The following LRRD1 variants were observed in gnomAD, a reference collection of about 807,000 sequenced individuals.
LRRD1 encodes leucine rich repeats and death domain containing 1.
Under a neutral mutation model 69.5 loss-of-function variants are expected in LRRD1, and 49 were observed. The observed-to-expected ratio is 0.70, with a 90% confidence interval of 0.56 to 0.89. The LOEUF is 0.89. Ranked by LOEUF, LRRD1 falls within the 40% of genes least tolerant of loss-of-function variation. The probability of loss-of-function intolerance (pLI) is 0.00; values close to 1 mark genes in which losing one functional copy is unlikely to be tolerated. For synonymous variants in LRRD1, 303 were observed against 338.9 expected, an observed-to-expected ratio of 0.89 and a Z score of 1.16; for missense variants, 853 against 956.0, an observed-to-expected ratio of 0.89 and a Z score of 1.42.
At chr7:92,176,191 T>C (rs540526316) in intron 1 of LRRD1, among the ~76,000 whole-genome samples, 1 of 152,228 alleles carries the variant, frequency 6.6e-6, no homozygotes, top group Non-Finnish European at 1.5e-5. Context: ...AGAAGTGATA[T>C]ACCCATGGTA....
chr7:92,144,251 AACTCC>A (rs1363784805), downstream of LRRD1, among the ~76,000 whole-genome samples: 1 of 152,236 alleles, frequency 6.6e-6, no homozygotes, highest in Non-Finnish European at 1.5e-5. Flanking sequence ...TCTGCTTTCT[AACTCC>A]AGTGAAAATC....
At chr7:92,171,590 A>G (rs538531119) in intron 1 of LRRD1, among the ~76,000 whole-genome samples, 13 of 152,160 alleles carry the variant, frequency 8.5e-5, no homozygotes, top group Non-Finnish European at 2.9e-5. Flanking sequence ...AATTCTACCA[A>G]ACATTTAAAA....
intron 5 of LRRD1, among the ~76,000 whole-genome samples, chr7:92,145,289 G>A (rs1195937009): frequency 6.6e-6 from 1 of 151,944 alleles, no homozygotes; most frequent in Non-Finnish European, 1.5e-5. Flanking sequence ...ATGGAGCTTG[G>A]GACATAGAAA....
chr7:92,160,457 G>T (rs909770231), intron 2 of LRRD1, among the ~76,000 whole-genome samples: 1 of 151,972 alleles, frequency 6.6e-6, no homozygotes. Flanking sequence ...GTTTAGAAAA[G>T]GTACATTACT....
At chr7:92,175,876 C>A (rs1263181313) in intron 1 of LRRD1, among the ~76,000 whole-genome samples, 1 of 152,154 alleles carries the variant, frequency 6.6e-6, no homozygotes, top group Non-Finnish European at 1.5e-5. Flanking sequence ...GTAAATTATT[C>A]ATTGATTTCT....
intron 1 of LRRD1, among the ~76,000 whole-genome samples, chr7:92,166,777 A>G (rs1386515651): frequency 2.0e-5 from 3 of 152,230 alleles, no homozygotes; most frequent in Non-Finnish European, 2.9e-5. Context: ...AATTTCTTTA[A>G]TCTGCTAAAG....
chr7:92,163,874 T>C lies in LRRD1; in HGVS notation c.1329A>G (p.Ile443Met), dbSNP rs991942450. The C allele has an allele frequency of 6.6e-7, 1 of 1,519,820 alleles. No homozygotes were observed. The highest frequency in any genetic ancestry group is 8.8e-7 in the Non-Finnish European group (1 of 1,137,190). The allele number at this position is 1,519,820 out of a possible 1,614,324, so 94.1% of individuals were successfully genotyped here. Residue 443 changes from isoleucine (I) to methionine (M), a missense_variant, in exon 2 of 6, where the codon ATA (isoleucine) becomes ATG (methionine). Ile to Met is a conservative substitution (Grantham distance 10). Transcript: ENST00000458448. The part of the protein sequence containing the change: ...ITDCISHLNN[I>M]CSLEFSGNII... ...TGTTTCCTGAAAATTCTAGACTGCA[T>C]ATGTTATTAAGATGTGAGATACAGT... is the stretch of plus-strand genomic sequence containing the variant.
intron 3 of LRRD1, among the ~76,000 whole-genome samples, chr7:92,156,901 G>A (rs1788669439): frequency 6.6e-6 from 1 of 152,040 alleles, no homozygotes; most frequent in South Asian, 2.1e-4. Context: ...TTAGCTATAG[G>A]AGTTTTGCAG....
At chr7:92,158,544 A>G (rs1315522520) in intron 3 of LRRD1, among the ~76,000 whole-genome samples, 1 of 152,086 alleles carries the variant, frequency 6.6e-6, no homozygotes, top group African/African-American at 2.4e-5. Flanking sequence ...TTATTTTCTT[A>G]TCTACAATGT....
intron 4 of LRRD1, among the ~76,000 whole-genome samples, chr7:92,148,472 A>G (rs1453062352): frequency 2.6e-5 from 3 of 117,236 alleles, no homozygotes; most frequent in African/African-American, 1.2e-4. Context: ...ATTTCATGCT[A>G]TGATATATAT....
intron 4 of LRRD1, among the ~76,000 whole-genome samples, chr7:92,148,975 G>A (rs1018392160): frequency 3.3e-5 from 5 of 152,096 alleles, no homozygotes; most frequent in Admixed American, 1.3e-4. Flanking sequence ...TCTTGAACTC[G>A]TGACCTCGTG....
At chr7:92,167,393 A>C (rs908372458) in intron 1 of LRRD1, among the ~76,000 whole-genome samples, 3 of 151,098 alleles carry the variant, frequency 2.0e-5, no homozygotes, top group Non-Finnish European at 4.4e-5. Context: ...TAAACTTTTT[A>C]GTTTTGGTAA....
intron 3 of LRRD1, among the ~76,000 whole-genome samples, chr7:92,156,009 C>A (rs1458578384): frequency 3.3e-5 from 5 of 152,214 alleles, no homozygotes; most frequent in Non-Finnish European, 7.3e-5. Context: ...CTGCCTCTCC[C>A]AGTCCACTGA....
Position 92,150,828 on chromosome 7 carries a change from G to C in LRRD1, c.2117-133C>G, listed in dbSNP as rs996596797. 10 of 635,362 alleles carry C rather than the reference G, an allele frequency of 1.6e-5. No homozygotes were observed. The East Asian group carries it at 2.8e-4, about 18-fold the overall frequency. The allele number at this position is 635,362 out of a possible 1,614,324, so 39.4% of individuals were successfully genotyped here. On this transcript the variant is annotated intron_variant, in intron 3 of 5. Transcript: ENST00000458448. ...ATGCAGCAGGTCATAAATTATTTCT[G>C]ATGTCCACATGCTAAGAGCAAAAAA...
rs908070626 is a variant in LRRD1 at position 92,145,009 on chromosome 7, A to G, written c.2462T>C (p.Leu821Ser). The change falls in exon 6 of 6, where the codon TTA (leucine) becomes TCA (serine). Residue 821 changes from leucine to serine, a missense_variant. Coordinates refer to ENST00000458448, the MANE Select transcript of LRRD1 (RefSeq NM_001161528.2). ...LVIWKTQSNK[L>S]SLTAAALRDQ... ...TCTTAAAGCAGCAGCAGTTAGTGAT[A>G]ACTTGTTACTTTGTGTTTTCCATAT... 2.2e-5 allele frequency: 34 copies of G among 1,537,298 alleles called. No homozygotes were observed. The highest frequency in any genetic ancestry group is 2.9e-5 in the Non-Finnish European group (33 of 1,138,240).
At chr7:92,142,602 C>G (rs531439624), downstream of LRRD1, 86 of 446,598 alleles carry the variant, frequency 1.9e-4, no homozygotes, top group African/African-American at 9.8e-4. Context: ...CCGACCCTCA[C>G]GGTCAGTGTT....
At chr7:92,151,090 A>G (rs1003849958) in intron 3 of LRRD1, among the ~76,000 whole-genome samples, 8 of 152,222 alleles carry the variant, frequency 5.3e-5, no homozygotes, top group African/African-American at 2.4e-5. Flanking sequence ...TCACATTATC[A>G]TATTACATTT....
intron 1 of LRRD1, among the ~76,000 whole-genome samples, chr7:92,168,039 GC>G (rs1237152524): frequency 6.6e-6 from 1 of 151,850 alleles, no homozygotes; most frequent in Non-Finnish European, 1.5e-5. Context: ...ACCAACAGAA[GC>G]CAAAAACAAA....
intron 1 of LRRD1, among the ~76,000 whole-genome samples, chr7:92,171,151 C>G (rs1789049321): frequency 6.6e-6 from 1 of 150,888 alleles, no homozygotes; most frequent in Non-Finnish European, 1.5e-5. Context: ...GAAGAACAAA[C>G]CAAATTAAAA....
Sources: allele counts gnomAD v4.1 joint callset (sites outside exome capture counted in the v4.1 genomes callset), GRCh38; gene constraint gnomAD v4.1.1; transcripts MANE v1.5; gene names NCBI Gene and HGNC (gene_info 2026-07-23, HGNC 2026-07-21).